The following RASA1 variants were observed in gnomAD, a reference collection of about 807,000 sequenced individuals.
RASA1 encodes the protein ras GTPase-activating protein 1.
RASA1 carries 25 observed loss-of-function variants against 132.2 expected under a neutral mutation model. The observed-to-expected ratio is 0.19, with a 90% CI of 0.14 to 0.26. The LOEUF (loss-of-function observed/expected upper bound fraction) is 0.26, where lower values mean the gene tolerates loss of function less well. RASA1 is among the 10% of genes least tolerant of loss of function. RASA1 has a pLI of 1.00. For synonymous variants in RASA1, 477 were observed against 449.9 expected, an observed-to-expected ratio of 1.06 and a Z score of -0.76; for missense variants, 964 against 1,299.2, an observed-to-expected ratio of 0.74 and a Z score of 3.97.
Position 87,343,762 on chromosome 5 carries a change from C to T in RASA1, c.1049+2441C>T, listed in dbSNP as rs1896693. Among the ~76,000 whole-genome samples the T allele has an allele frequency of 0.018, 2,785 of 152,252 alleles. 345 individuals are homozygous for T. The East Asian group carries it at 0.35, about 19-fold the overall frequency. On this transcript the variant is annotated intron_variant, in intron 6 of 24. Coordinates refer to ENST00000274376, the MANE Select transcript of RASA1 (RefSeq NM_002890.3). ...GGAAATCAGTGTATCAAAGAGACAGCTGCACTCCTATGTTTCAGCACCATT... is the reference window on the plus strand; with the variant it reads ...GGAAATCAGTGTATCAAAGAGACAGTTGCACTCCTATGTTTCAGCACCATT...
chr5:87,312,331 T>C (rs983804676), intron 1 of RASA1, among the ~76,000 whole-genome samples: 2 of 152,236 alleles, frequency 1.3e-5, no homozygotes, highest in Non-Finnish European at 2.9e-5. Context: ...AGTAAACATT[T>C]GTACAAAAAT....
At chr5:87,321,505 A>G (rs573277087) in intron 1 of RASA1, among the ~76,000 whole-genome samples, 15 of 151,798 alleles carry the variant, frequency 9.9e-5, no homozygotes, top group African/African-American at 1.5e-4. Flanking sequence ...GGTTTCCACA[A>G]CCCCCTCTTT....
chr5:87,340,155 C>T (rs1478023251), intron 5 of RASA1, among the ~76,000 whole-genome samples: 1 of 152,104 alleles, frequency 6.6e-6, no homozygotes, highest in Non-Finnish European at 1.5e-5. Flanking sequence ...TTTCCCTCTT[C>T]CTTGACATTC....
intron 1 of RASA1, among the ~76,000 whole-genome samples, chr5:87,286,601 TA>T (rs1754576388): frequency 6.6e-6 from 1 of 152,040 alleles, no homozygotes; most frequent in Non-Finnish European, 1.5e-5. Context: ...AAATTACTGG[TA>T]GAAAGCAACT....
At chr5:87,305,134 C>CTGTTTCTTTG in intron 1 of RASA1, among the ~76,000 whole-genome samples, 1 of 151,926 alleles carries the variant, frequency 6.6e-6, no homozygotes, top group African/African-American at 2.4e-5. Flanking sequence ...GCAAAGTTAG[C>CTGTTTCTTTG]AAAAATTTTT....
chr5:87,323,557 A>G (rs910962499), intron 1 of RASA1, among the ~76,000 whole-genome samples: 3 of 152,222 alleles, frequency 2.0e-5, no homozygotes, highest in Admixed American at 6.5e-5. Flanking sequence ...AAGAAATTCC[A>G]TAAGTAAGGT....
At chr5:87,363,016 G>C (rs1178102311) in intron 10 of RASA1, among the ~76,000 whole-genome samples, 1 of 150,994 alleles carries the variant, frequency 6.6e-6, no homozygotes, top group Admixed American at 6.6e-5. Flanking sequence ...TGTGGGTGGG[G>C]GTGTGCTTTA....
At position 87,373,982 on chromosome 5, in the gene RASA1, AAT is replaced by A. The variant is rs368144828; in HGVS notation, c.1777-180_1777-179del. Among the ~76,000 whole-genome samples the A allele has an allele frequency of 5.5e-3, 838 of 151,938 alleles. 6 individuals are homozygous for A. The highest frequency in any genetic ancestry group is 0.015 in the South Asian group (70 of 4,824). On this transcript the variant is annotated intron_variant, in intron 13 of 24. Coordinates refer to ENST00000274376, the MANE Select transcript of RASA1 (RefSeq NM_002890.3). Reference sequence around the variant, plus strand: ...CTTTTAGGTGGGAAGAATTATTTTAAATGTCTGAATGTTTTAAGTATGTCATA... The same window carrying A: ...CTTTTAGGTGGGAAGAATTATTTTAAGTCTGAATGTTTTAAGTATGTCATA...
chr5:87,272,147 TA>T lies in RASA1; in HGVS notation c.539+3171del, dbSNP rs565510396. Among the ~76,000 whole-genome samples the T allele has an allele frequency of 8.8e-3, 1,191 of 134,936 alleles. 17 individuals carry two copies. Among genetic ancestry groups the T allele is most frequent in the African/African-American group, 0.027 (990 of 36,840 alleles). The allele number at this position is 134,936 out of a possible 152,430, so 88.5% of individuals were successfully genotyped here. A position where few individuals can be genotyped will look rare whatever the true frequency, so the allele number is the denominator to read the frequency against. On this transcript the variant is annotated intron_variant, in intron 1 of 24. Coordinates refer to ENST00000274376, the MANE Select transcript of RASA1 (RefSeq NM_002890.3). Reference sequence around the variant, plus strand: ...TGGGCAGCAAGAACGAAACCCTGTCTAAAAAAAAAAAAAACACCATGATTGA... The same window carrying T: ...TGGGCAGCAAGAACGAAACCCTGTCTAAAAAAAAAAAAACACCATGATTGA...
intron 1 of RASA1, among the ~76,000 whole-genome samples, chr5:87,271,408 T>C (rs1332484284): frequency 6.6e-6 from 1 of 150,480 alleles, no homozygotes; most frequent in Non-Finnish European, 1.5e-5. Context: ...AAATTAGGTA[T>C]ATTTAGGATA....
intron 1 of RASA1, among the ~76,000 whole-genome samples, chr5:87,277,945 T>G (rs1754138593): frequency 6.6e-6 from 1 of 152,148 alleles, no homozygotes; most frequent in African/African-American, 2.4e-5. Flanking sequence ...CCATGGAATA[T>G]CCTATGGATA....
chr5:87,376,815 G>A, intron 16 of RASA1, 66 bp from the exon 17 acceptor site: 1 of 1,461,078 alleles, frequency 6.8e-7, no homozygotes, highest in South Asian at 1.2e-5. Context: ...CATATTTCTT[G>A]TTAGTCTCAT....
At chr5:87,289,032 TTGTC>T (rs1188138619) in intron 1 of RASA1, among the ~76,000 whole-genome samples, 1 of 152,206 alleles carries the variant, frequency 6.6e-6, no homozygotes. Context: ...TCGTTTATAT[TTGTC>T]TGTTTTAATG....
intron 1 of RASA1, 169 bp from the exon 2 acceptor site, chr5:87,331,179 G>A (rs747890807): frequency 3.2e-6 from 3 of 937,782 alleles, no homozygotes; most frequent in South Asian, 1.4e-5. Context: ...AGTATTTTTT[G>A]AGACTGAGGT....
At chr5:87,277,340 T>G (rs1281461265) in intron 1 of RASA1, among the ~76,000 whole-genome samples, 1 of 152,208 alleles carries the variant, frequency 6.6e-6, no homozygotes, top group African/African-American at 2.4e-5. Flanking sequence ...GGTTGAAGCC[T>G]TAACCACCAA....
chr5:87,328,874 CAAATCTTGT>C (rs1757415939), intron 1 of RASA1, among the ~76,000 whole-genome samples: 1 of 152,090 alleles, frequency 6.6e-6, no homozygotes, highest in Admixed American at 6.5e-5. Context: ...GTGTCTGAAT[CAAATCTTGT>C]AACATTGGAT....
At chr5:87,297,923 G>A (rs1037397076) in intron 1 of RASA1, among the ~76,000 whole-genome samples, 17 of 152,022 alleles carry the variant, frequency 1.1e-4, no homozygotes, top group African/African-American at 4.1e-4. Flanking sequence ...GGAAGTTTCT[G>A]CTTGTGGGTT....
chr5:87,376,049 G>A (rs1489597576), intron 15 of RASA1, among the ~76,000 whole-genome samples: 1 of 152,072 alleles, frequency 6.6e-6, no homozygotes, highest in Non-Finnish European at 1.5e-5. Flanking sequence ...TCCACAGGCT[G>A]AATTAGATAT....
rs564571974 is a variant in RASA1, at chr5:87,333,244, CT to C, written c.829-12del. ...AGATAAAAAGACTATCTTTTTAAAT[CT>C]TTTTTTTTTTATGGTTTCTAGCCAG... On this transcript the variant is annotated intron_variant, in intron 3 of 24. Transcript: ENST00000274376. 19,707 of 1,023,298 alleles carry C rather than the reference CT, an allele frequency of 0.019. No homozygotes were observed. Among genetic ancestry groups the C allele is most frequent in the South Asian group, 0.039 (2,084 of 53,142 alleles). 63.4% of individuals were successfully genotyped at this position (1,023,298 alleles called of 1,614,324 possible).
Sources: allele counts gnomAD v4.1 joint callset (sites outside exome capture counted in the v4.1 genomes callset), GRCh38; gene constraint gnomAD v4.1.1; transcripts MANE v1.5; gene names NCBI Gene and HGNC (gene_info 2026-07-23, HGNC 2026-07-21).